The following ARHGAP21 variants were observed in gnomAD, a reference collection of about 807,000 sequenced individuals.
ARHGAP21 encodes Rho GTPase activating protein 21.
A neutral mutation model predicts 164.6 loss-of-function variants in ARHGAP21; 38 were observed. The ratio of observed to expected loss-of-function variants is 0.23; its 90% CI spans 0.18 to 0.30. The LOEUF (loss-of-function observed/expected upper bound fraction) is 0.30, where lower values mean the gene tolerates loss of function less well. Among genes scored for constraint, ARHGAP21 ranks in the 10% least tolerant of loss-of-function variants. The pLI, the probability that ARHGAP21 is intolerant of heterozygous loss-of-function variation, is 1.00. For synonymous variants in ARHGAP21, 766 were observed against 857.9 expected, an observed-to-expected ratio of 0.89 and a Z score of 1.87; for missense variants, 1,822 against 2,370.7, an observed-to-expected ratio of 0.77 and a Z score of 4.81.
chr10:24,591,797 C>T, intron 22 of ARHGAP21, 90 bp downstream of exon 22: 1 of 1,597,852 alleles, frequency 6.3e-7, no homozygotes. Context: ...TTACAACCAA[C>T]CTCTGTCTGA....
chr10:24,587,352 A>G (rs1382699321), intron 25 of ARHGAP21, among the ~76,000 whole-genome samples: 1 of 152,096 alleles, frequency 6.6e-6, no homozygotes, highest in Non-Finnish European at 1.5e-5. Context: ...CACACTTTTT[A>G]AGACAAGCAG....
intron 21 of ARHGAP21, among the ~76,000 whole-genome samples, chr10:24,594,140 G>A (rs569255610): frequency 6.6e-6 from 1 of 150,658 alleles, no homozygotes; most frequent in Non-Finnish European, 1.5e-5. Context: ...TTCTTCTCCA[G>A]AAATTAAAAC....
intron 2 of ARHGAP21, among the ~76,000 whole-genome samples, chr10:24,704,118 T>A (rs1353136383): frequency 6.6e-6 from 1 of 152,124 alleles, no homozygotes; most frequent in Non-Finnish European, 1.5e-5. Flanking sequence ...CACCAGCCTC[T>A]ATTGTCTAAC....
chr10:24,635,982 G>A (rs1836344816), intron 4 of ARHGAP21, among the ~76,000 whole-genome samples: 1 of 152,152 alleles, frequency 6.6e-6, no homozygotes, highest in African/African-American at 2.4e-5. Flanking sequence ...AAAACAATCA[G>A]AGACAAATAC....
At chr10:24,718,511 A>C (rs2132322008) in intron 2 of ARHGAP21, among the ~76,000 whole-genome samples, 1 of 152,192 alleles carries the variant, frequency 6.6e-6, no homozygotes, top group African/African-American at 2.4e-5. Flanking sequence ...AGGAAGAAAA[A>C]CCCTACAAAA....
intron 2 of ARHGAP21, among the ~76,000 whole-genome samples, chr10:24,688,803 GA>G (rs770996040): frequency 7.9e-5 from 12 of 152,108 alleles, no homozygotes; most frequent in Non-Finnish European, 1.5e-4. Context: ...CCATGAATAG[GA>G]AGAAAGATGG....
chr10:24,594,252 T>G (rs138272299), intron 21 of ARHGAP21, among the ~76,000 whole-genome samples: 9 of 152,310 alleles, frequency 5.9e-5, no homozygotes, highest in African/African-American at 2.2e-4. Context: ...ATCAAAAAAC[T>G]AAGTTAAGAC....
intron 2 of ARHGAP21, among the ~76,000 whole-genome samples, chr10:24,685,642 G>A (rs1306983500): frequency 4.6e-5 from 7 of 152,162 alleles, no homozygotes; most frequent in East Asian, 3.8e-4. Context: ...TTGGGAGGCC[G>A]AGGTGGGCGG....
At chr10:24,607,246 A>G (rs2077065349) in intron 11 of ARHGAP21, among the ~76,000 whole-genome samples, 1 of 152,218 alleles carries the variant, frequency 6.6e-6, no homozygotes, top group Non-Finnish European at 1.5e-5. Context: ...AAACAGTAAC[A>G]TATTATGTCT....
intron 12 of ARHGAP21, among the ~76,000 whole-genome samples, chr10:24,602,689 G>A (rs546759235): frequency 2.6e-4 from 40 of 152,226 alleles, no homozygotes; most frequent in South Asian, 6.2e-4. Flanking sequence ...GTGATGAATC[G>A]GGGGAGTAAC....
intron 4 of ARHGAP21, among the ~76,000 whole-genome samples, chr10:24,649,111 G>A (rs1021835574): frequency 1.3e-5 from 2 of 152,122 alleles, no homozygotes; most frequent in Non-Finnish European, 2.9e-5. Context: ...GCAAACTACA[G>A]ATAACTTGGT....
At chr10:24,592,961 AATT>A (rs1438104381) in intron 21 of ARHGAP21, among the ~76,000 whole-genome samples, 3 of 152,154 alleles carry the variant, frequency 2.0e-5, no homozygotes. Context: ...CTTGTATAAT[AATT>A]ATCAGATTGT....
At chr10:24,603,576 G>A (rs1470291621) in intron 12 of ARHGAP21, among the ~76,000 whole-genome samples, 1 of 152,198 alleles carries the variant, frequency 6.6e-6, no homozygotes, top group East Asian at 1.9e-4. Context: ...TGACTGTGCA[G>A]AAGGGCACCG....
At chr10:24,693,253 C>G (rs184384036) in intron 2 of ARHGAP21, among the ~76,000 whole-genome samples, 52 of 152,140 alleles carry the variant, frequency 3.4e-4, no homozygotes, top group Non-Finnish European at 6.5e-4. Context: ...AAAACATTTA[C>G]AAAAACAAAC....
At chr10:24,720,086 C>CA (rs1845780678) in intron 2 of ARHGAP21, among the ~76,000 whole-genome samples, 1 of 151,942 alleles carries the variant, frequency 6.6e-6, no homozygotes, top group Non-Finnish European at 1.5e-5. Context: ...ACAAGATAGC[C>CA]ATGCTGCCAG....
In ARHGAP21 at chr10:24,690,379, T is replaced by C. The variant is rs554158003; in HGVS notation, c.64-19982A>G. Among the ~76,000 whole-genome samples, 330 of 152,358 alleles carry C rather than the reference T, an allele frequency of 2.2e-3. No individual in the cohort carries two copies. In the Middle Eastern group the frequency reaches 0.027, roughly 13 times the overall value. On this transcript the variant is annotated intron_variant, in intron 2 of 25. Transcript: ENST00000396432. ...TGACAGCATGAGATTCCTATATCCA[T>C]ATTCCAGCCAACACTGAGTATTTTT...
In ARHGAP21 at chr10:24,685,791, G is replaced by A. The variant is rs189767939; in HGVS notation, c.64-15394C>T. On this transcript the variant is annotated intron_variant, in intron 2 of 25. Coordinates refer to ENST00000396432, the MANE Select transcript of ARHGAP21 (RefSeq NM_020824.4). ...CTCAGGAGGCTGAGGCAGGAGAATCGCTTGAACCTGGGAAGTGGAGGTTGC... is the reference window on the plus strand; with the variant it reads ...CTCAGGAGGCTGAGGCAGGAGAATCACTTGAACCTGGGAAGTGGAGGTTGC... Among the ~76,000 whole-genome samples, 287 of 152,226 alleles carry A rather than the reference G, an allele frequency of 1.9e-3. 1 individual carries two copies. The highest frequency in any genetic ancestry group is 3.3e-3 in the South Asian group (16 of 4,820).
chr10:24,602,331 A>T (rs1342492537), intron 12 of ARHGAP21, among the ~76,000 whole-genome samples: 1 of 152,226 alleles, frequency 6.6e-6, no homozygotes, highest in Non-Finnish European at 1.5e-5. Flanking sequence ...TGTTCTTATT[A>T]GTTCACATTT....
In ARHGAP21 at chr10:24,630,392, T is replaced by G. The variant is rs34485271; in HGVS notation, c.441-342A>C. The stretch of plus-strand genomic sequence containing the variant: ...CTTAACAATATCAGTATACAATTAT[T>G]TATTGTTTTATTCAAGTCACAAAAC... On this transcript the variant is annotated intron_variant, in intron 6 of 25. Transcript: ENST00000396432. Among the ~76,000 whole-genome samples, 1,324 of 152,336 alleles carry G rather than the reference T, an allele frequency of 8.7e-3. 80 individuals carry two copies. The highest frequency in any genetic ancestry group is 0.077 in the Admixed American group (1,179 of 15,294).
Sources: gnomAD v4.1 joint callset for allele counts (sites outside exome capture counted in the v4.1 genomes callset) on GRCh38, gnomAD v4.1.1 for gene constraint, MANE v1.5 for transcripts, NCBI Gene and HGNC (gene_info 2026-07-23, HGNC 2026-07-21) for gene names.